Variants in MAN2A1 observed in about 807,000 individuals in gnomAD.
The protein encoded by MAN2A1 is alpha-mannosidase 2.
MAN2A1 carries 76 observed loss-of-function variants against 142.6 expected under a neutral mutation model. The observed-to-expected ratio is 0.53, with a 90% confidence interval of 0.44 to 0.65. The LOEUF (loss-of-function observed/expected upper bound fraction) is 0.65, where lower values mean the gene tolerates loss of function less well. Ranked by LOEUF, MAN2A1 falls within the 30% of genes least tolerant of loss-of-function variation. The pLI is 0.00. For synonymous variants in MAN2A1, 559 were observed against 473.2 expected (o/e 1.18, Z -2.35); for missense variants, 1,311 against 1,365.1 (o/e 0.96, Z 0.62).
chr5:109,691,361 A>G (rs1034049913), intron 1 of MAN2A1, among the ~76,000 whole-genome samples: 2 of 152,200 alleles, frequency 1.3e-5, no homozygotes, highest in Admixed American at 1.3e-4. Flanking sequence ...TTCAGTTTCA[A>G]GTTACTTGCC....
chr5:109,721,623 G>A (rs1049759956), intron 3 of MAN2A1, among the ~76,000 whole-genome samples: 3 of 152,154 alleles, frequency 2.0e-5, no homozygotes, highest in Non-Finnish European at 4.4e-5. Flanking sequence ...GCGCTGTATG[G>A]CTATTTAGAA....
At chr5:109,835,810 C>G (rs1171126060) in intron 16 of MAN2A1, among the ~76,000 whole-genome samples, 1 of 152,136 alleles carries the variant, frequency 6.6e-6, no homozygotes, top group Non-Finnish European at 1.5e-5. Context: ...ATAAAATGAT[C>G]TGGAGAGGTG....
Position 109,767,509 on chromosome 5 carries a change from T to A in MAN2A1, c.836-26T>A, listed in dbSNP as rs750680285. 25 of 1,588,468 alleles carry A rather than the reference T, an allele frequency of 1.6e-5. No individual in the cohort carries two copies. The East Asian group carries it at 5.6e-4, about 36-fold the overall frequency. On this transcript the variant is annotated intron_variant, in intron 5 of 21. Transcript: ENST00000261483. ...TTATTTCATATATCAATTAAAAAAA[T>A]TAACACTTATCATCTTTATCCACAG...
intron 18 of MAN2A1, 63 bp from the exon 19 acceptor site, chr5:109,847,594 T>A: frequency 7.4e-7 from 1 of 1,353,948 alleles, no homozygotes; most frequent in Non-Finnish European, 9.6e-7. Flanking sequence ...TAAGTGATGC[T>A]CAATGAATGT....
At chr5:109,808,652 T>C (rs1754236023) in intron 12 of MAN2A1, among the ~76,000 whole-genome samples, 1 of 151,936 alleles carries the variant, frequency 6.6e-6, no homozygotes, top group Non-Finnish European at 1.5e-5. Context: ...GCTGTGGAAA[T>C]AGTTTAAATA....
At chr5:109,805,283 T>C (rs2112703167) in intron 12 of MAN2A1, among the ~76,000 whole-genome samples, 1 of 152,364 alleles carries the variant, frequency 6.6e-6, no homozygotes, top group East Asian at 1.9e-4. Flanking sequence ...TTTATTTGAC[T>C]TTACTATTTT....
chr5:109,711,209 C>T (rs1414992195), intron 1 of MAN2A1, among the ~76,000 whole-genome samples: 1 of 152,186 alleles, frequency 6.6e-6, no homozygotes, highest in Non-Finnish European at 1.5e-5. Flanking sequence ...TGTAGCTGTA[C>T]TGCTGGCGAG....
intron 1 of MAN2A1, among the ~76,000 whole-genome samples, chr5:109,710,172 G>A (rs1478168684): frequency 5.3e-5 from 8 of 152,102 alleles, no homozygotes; most frequent in Admixed American, 3.9e-4. Context: ...AGAATTCCAG[G>A]TACTGATCAT....
chr5:109,702,733 C>G (rs749279193), intron 1 of MAN2A1, among the ~76,000 whole-genome samples: 1 of 152,180 alleles, frequency 6.6e-6, no homozygotes, highest in Non-Finnish European at 1.5e-5. Flanking sequence ...GTATCCTTAA[C>G]TCATCTTTGA....
intron 2 of MAN2A1, 32 bp downstream of exon 2, chr5:109,713,806 CTT>C (rs56350644): frequency 1.1e-3 from 1,479 of 1,365,312 alleles, no homozygotes; most frequent in South Asian, 1.9e-3. Flanking sequence ...AATCACTGGC[CTT>C]TTTTTTTTTT....
At chr5:109,753,167 C>T (rs753956905) in intron 4 of MAN2A1, among the ~76,000 whole-genome samples, 1 of 152,044 alleles carries the variant, frequency 6.6e-6, no homozygotes, top group Non-Finnish European at 1.5e-5. Flanking sequence ...GTCAAGTTTC[C>T]GTATTTGATA....
chr5:109,812,514 T>C (rs1187074212), intron 12 of MAN2A1, among the ~76,000 whole-genome samples: 1 of 152,178 alleles, frequency 6.6e-6, no homozygotes, highest in Non-Finnish European at 1.5e-5. Context: ...CAGAATACTG[T>C]ATAAAGCTTA....
chr5:109,762,777 A>G (rs552894002), intron 5 of MAN2A1, among the ~76,000 whole-genome samples: 2 of 152,302 alleles, frequency 1.3e-5, no homozygotes, highest in Admixed American at 6.5e-5. Flanking sequence ...ACACTTAACA[A>G]CACTTACAAC....
At chr5:109,737,914 T>G (rs1478890954) in intron 4 of MAN2A1, among the ~76,000 whole-genome samples, 1 of 152,182 alleles carries the variant, frequency 6.6e-6, no homozygotes, top group East Asian at 1.9e-4. Context: ...CTGAAATCTT[T>G]TGGAAAGTTG....
intron 5 of MAN2A1, among the ~76,000 whole-genome samples, chr5:109,758,502 G>T (rs1752751792): frequency 6.6e-6 from 1 of 151,218 alleles, no homozygotes; most frequent in Admixed American, 6.6e-5. Flanking sequence ...GTCTTTTAGT[G>T]CACAAGTTTT....
intron 7 of MAN2A1, 147 bp from the exon 8 acceptor site, chr5:109,774,641 C>A: frequency 1.7e-6 from 1 of 584,866 alleles, no homozygotes; most frequent in Non-Finnish European, 2.9e-6. Context: ...TTAAATTATA[C>A]TAACCTTGCA....
At chr5:109,733,239 T>C (rs1354226198) in intron 4 of MAN2A1, among the ~76,000 whole-genome samples, 1 of 152,236 alleles carries the variant, frequency 6.6e-6, no homozygotes, top group Non-Finnish European at 1.5e-5. Context: ...CTGAAGTTGC[T>C]TATCAGCTTA....
intron 16 of MAN2A1, chr5:109,840,738 A>G: frequency 2.8e-6 from 1 of 361,726 alleles, no homozygotes; most frequent in African/African-American, 2.2e-5. Context: ...GATGGAAGGG[A>G]AACTGCCTGC....
At chr5:109,717,125 G>C (rs1033219219) in intron 3 of MAN2A1, among the ~76,000 whole-genome samples, 5 of 151,946 alleles carry the variant, frequency 3.3e-5, no homozygotes, top group Non-Finnish European at 5.9e-5. Flanking sequence ...TTGAAGGAGT[G>C]TGTTACTTTT....
Sources: allele counts gnomAD v4.1 joint callset (sites outside exome capture counted in the v4.1 genomes callset), GRCh38; gene constraint gnomAD v4.1.1; transcripts MANE v1.5; gene names NCBI Gene and HGNC (gene_info 2026-07-23, HGNC 2026-07-21).